RBM20: variants seen among roughly 807,000 people sequenced by gnomAD.
RBM20 encodes RNA-binding protein 20.
A neutral mutation model predicts 110.1 loss-of-function variants in RBM20; 51 were observed. That is an observed-to-expected ratio of 0.46 (90% CI 0.37 to 0.59). The LOEUF (loss-of-function observed/expected upper bound fraction) is 0.59, where lower values mean the gene tolerates loss of function less well. Among genes scored for constraint, RBM20 ranks in the 20% least tolerant of loss-of-function variants. The pLI, the probability that RBM20 is intolerant of heterozygous loss-of-function variation, is 0.00. For synonymous variants in RBM20, 589 were observed against 618.2 expected (o/e 0.95, Z 0.70); for missense variants, 1,512 against 1,574.9 (o/e 0.96, Z 0.68).
At position 110,764,936 on chromosome 10, in the gene RBM20, G is replaced by A. The variant is rs1049029266; in HGVS notation, c.192-15865G>A. ...AGGCAGCACCTCTAAACATGTTCTC[G>A]GCGCTGAGCATTTGTGCATGAGTAT... On this transcript the variant is annotated intron_variant, in intron 1 of 13. Coordinates refer to ENST00000369519, the MANE Select transcript of RBM20 (RefSeq NM_001134363.3). Among the ~76,000 whole-genome samples, 6 of 151,860 alleles carry A rather than the reference G, an allele frequency of 4.0e-5. No homozygotes were observed. In the East Asian group the frequency reaches 5.8e-4, roughly 15 times the overall value.
chr10:110,801,296 A>G lies in RBM20; in HGVS notation c.1800+1378A>G, dbSNP rs1472414446. On this transcript the variant is annotated intron_variant, in intron 7 of 13. Coordinates refer to ENST00000369519, the MANE Select transcript of RBM20 (RefSeq NM_001134363.3). ...ACAAAAATTAGCCAGGCGTGGTGGC[A>G]GGCGCCTGTAATCTCAGCTACTCGG... 2.0e-5 allele frequency among the ~76,000 whole-genome samples: 3 copies of G among 152,008 alleles called. No homozygotes were observed. In the East Asian group the frequency reaches 5.8e-4, roughly 30 times the overall value.
chr10:110,729,643 G>T (rs1461503687), intron 1 of RBM20, among the ~76,000 whole-genome samples: 1 of 152,174 alleles, frequency 6.6e-6, no homozygotes, highest in Non-Finnish European at 1.5e-5. Flanking sequence ...GGCTCCAGGG[G>T]TGATTCCCAG....
chr10:110,757,452 T>C (rs1234647303), intron 1 of RBM20, among the ~76,000 whole-genome samples: 2 of 152,068 alleles, frequency 1.3e-5, no homozygotes, highest in African/African-American at 4.8e-5. Context: ...TGGAGTAGAG[T>C]GGGTCTTTCT....
rs1442138837 is a variant in RBM20 at position 110,821,434 on chromosome 10, G to A, written c.2815G>A (p.Asp939Asn). Reference protein sequence around the residue: ...LEEIVPIDQKDKICPETCLCV... With the variant: ...LEEIVPIDQKNKICPETCLCV... ...AGAAATTGTGCCCATTGACCAGAAA[G>A]ACAAAATTTGCCCAGAAACATGTCT... Residue 939 changes from aspartate to asparagine, a missense_variant, in exon 11 of 14, where the codon GAC (aspartate) becomes AAC (asparagine). By Grantham distance (23) the Asp-to-Asn change is conservative (BLOSUM62 1). This residue lies in a region of RBM20 where 358 missense variants were observed against 384.2 expected (regional missense o/e 0.93). Transcript: ENST00000369519. The A allele has an allele frequency of 3.9e-6, 6 of 1,551,654 alleles. No homozygotes were observed. The highest frequency in any genetic ancestry group is 1.4e-5 in the African/African-American group (1 of 73,040).
In RBM20 at chr10:110,813,050, A is replaced by G. The variant is rs915922511; in HGVS notation, c.2550+103A>G. The G allele has an allele frequency of 1.9e-5, 16 of 836,008 alleles. No homozygotes were observed. The African/African-American group carries it at 2.7e-4, about 14-fold the overall frequency. 51.8% of individuals were successfully genotyped at this position (836,008 alleles called of 1,614,324 possible). A position where few individuals can be genotyped will look rare whatever the true frequency, so the allele number is the denominator to read the frequency against. Reference sequence around the variant, plus strand: ...ACGTTTATTGAATGAATGAACATTTACTGGCTATTTACTATGCGCTAGGCA... The same window carrying G: ...ACGTTTATTGAATGAATGAACATTTGCTGGCTATTTACTATGCGCTAGGCA... On this transcript the variant is annotated intron_variant, in intron 9 of 13. Transcript: ENST00000369519.
intron 8 of RBM20, among the ~76,000 whole-genome samples, chr10:110,810,814 T>TGTGC (rs1554902543): frequency 6.8e-6 from 1 of 146,040 alleles, no homozygotes; most frequent in East Asian, 2.0e-4. Flanking sequence ...TGTGTGTGTG[T>TGTGC]GCGTGTGTGC....
At chr10:110,831,747 T>C (rs373614629) in intron 13 of RBM20, among the ~76,000 whole-genome samples, 159 of 150,850 alleles carry the variant, frequency 1.1e-3, no homozygotes, top group African/African-American at 3.6e-3. Flanking sequence ...ATCACAGGCA[T>C]GCTAGGTACC....
rs116439709 is a variant in RBM20 at position 110,728,224 on chromosome 10, A to G, written c.192-52577A>G. 4.2e-3 allele frequency among the ~76,000 whole-genome samples: 632 copies of G among 152,222 alleles called. 5 individuals carry two copies. The highest frequency in any genetic ancestry group is 0.014 in the African/African-American group (587 of 41,552). On this transcript the variant is annotated intron_variant, in intron 1 of 13. Coordinates refer to ENST00000369519, the MANE Select transcript of RBM20 (RefSeq NM_001134363.3). Reference sequence around the variant, plus strand: ...TTGAGCCTAGTTTTTACTGGGGCTCACTCATGTAGCTGACAGCTGTGTGGC... The same window carrying G: ...TTGAGCCTAGTTTTTACTGGGGCTCGCTCATGTAGCTGACAGCTGTGTGGC...
intron 5 of RBM20, among the ~76,000 whole-genome samples, chr10:110,788,497 GAGGGACAAGGACAA>G (rs1844447476): frequency 6.6e-6 from 1 of 152,170 alleles, no homozygotes; most frequent in Non-Finnish European, 1.5e-5. Flanking sequence ...AAGCCTATCT[GAGGGACAAGGACAA>G]AGCCTGCCCC....
At chr10:110,809,630 G>A (rs1347561479) in intron 7 of RBM20, among the ~76,000 whole-genome samples, 1 of 152,200 alleles carries the variant, frequency 6.6e-6, no homozygotes, top group Non-Finnish European at 1.5e-5. Context: ...GAAGGATGGA[G>A]CCCTGGCTGC....
intron 1 of RBM20, among the ~76,000 whole-genome samples, chr10:110,703,378 C>G (rs1320861535): frequency 8.8e-6 from 1 of 113,064 alleles, no homozygotes; most frequent in African/African-American, 3.3e-5. Context: ...AACTCTGTCT[C>G]AAAAAAAAAA....
At chr10:110,720,669 AC>A (rs1843494503) in intron 1 of RBM20, among the ~76,000 whole-genome samples, 3 of 88,820 alleles carry the variant, frequency 3.4e-5, no homozygotes, top group Admixed American at 9.9e-5. Context: ...TGATCTCCTA[AC>A]CCTCATCCTT....
At chr10:110,834,597 T>C (rs1845098908) in intron 13 of RBM20, among the ~76,000 whole-genome samples, 1 of 152,370 alleles carries the variant, frequency 6.6e-6, no homozygotes, top group African/African-American at 2.4e-5. Context: ...GAATGCTTTT[T>C]GTTGCCTCTC....
At chr10:110,823,721 G>A (rs201159498) in intron 12 of RBM20, 107 bp downstream of exon 12, 95 of 1,255,160 alleles carry the variant, frequency 7.6e-5, no homozygotes, top group East Asian at 4.1e-4. Flanking sequence ...TGTTGACATC[G>A]TTTTTTGTTC....
chr10:110,671,696 TA>T (rs1358359638), intron 1 of RBM20, among the ~76,000 whole-genome samples: 1 of 151,732 alleles, frequency 6.6e-6, no homozygotes, highest in Non-Finnish European at 1.5e-5. Context: ...AGATTTTTTT[TA>T]AAAAACTAAT....
chr10:110,822,613 C>T, intron 11 of RBM20: 1 of 381,178 alleles, frequency 2.6e-6, no homozygotes, highest in Non-Finnish European at 5.1e-6. Flanking sequence ...GAGAGAGTAG[C>T]CTTTAAGATT....
intron 6 of RBM20, among the ~76,000 whole-genome samples, chr10:110,798,173 CT>C (rs1358282894): frequency 6.6e-6 from 1 of 152,144 alleles, no homozygotes; most frequent in African/African-American, 2.4e-5. Context: ...ACTAAGAATC[CT>C]TAACCTGTAG....
intron 1 of RBM20, among the ~76,000 whole-genome samples, chr10:110,734,809 C>A (rs1479389699): frequency 1.3e-5 from 2 of 152,024 alleles, no homozygotes; most frequent in Non-Finnish European, 2.9e-5. Flanking sequence ...CCCCCTGAAT[C>A]TGCAACTTTA....
chr10:110,798,686 G>A (rs1844582575), intron 6 of RBM20, among the ~76,000 whole-genome samples: 2 of 152,194 alleles, frequency 1.3e-5, no homozygotes, highest in Non-Finnish European at 2.9e-5. Flanking sequence ...GAGAAAAGCT[G>A]TGCATCTGAA....
Sources: allele counts gnomAD v4.1 joint callset (sites outside exome capture counted in the v4.1 genomes callset), GRCh38; gene constraint gnomAD v4.1.1; regional missense constraint gnomAD v4.1.1; transcripts MANE v1.5; gene names NCBI Gene and HGNC (gene_info 2026-07-23, HGNC 2026-07-21).